Variants in DDHD2 observed in about 807,000 individuals in gnomAD.
The protein encoded by DDHD2 is triacylglycerol hydrolase DDHD2.
In DDHD2, 62 loss-of-function variants were observed where a neutral mutation model predicts 91.2. The ratio of observed to expected loss-of-function variants is 0.68; its 90% confidence interval spans 0.55 to 0.84. The LOEUF is 0.84. Among genes scored for constraint, DDHD2 ranks in the 40% least tolerant of loss-of-function variants. DDHD2 has a pLI of 0.00. For synonymous variants in DDHD2, 271 were observed against 293.9 expected, an observed-to-expected ratio of 0.92 and a Z score of 0.80; for missense variants, 740 against 846.9, an observed-to-expected ratio of 0.87 and a Z score of 1.57.
At position 38,260,103 on chromosome 8, in the gene DDHD2, T is replaced by TG. The variant is rs778307655; in HGVS notation, c.2119dup (p.Asp707GlyfsTer57). On this transcript the variant is annotated frameshift_variant, in exon 17 of 18. Coordinates refer to ENST00000397166, the MANE Select transcript of DDHD2 (RefSeq NM_015214.3). LOFTEE classifies it high-confidence loss of function. Reference sequence around the variant, plus strand: ...TCTACCAAACCCAGGGTATCTTCCTTGATCAGCCTTTACAGTAAAAATGAC... The same window carrying TG: ...TCTACCAAACCCAGGGTATCTTCCTTGGATCAGCCTTTACAGTAAAAATGAC... The TG allele has an allele frequency of 1.9e-6, 3 of 1,613,102 alleles. No homozygotes were observed. Among genetic ancestry groups the TG allele is most frequent in the Non-Finnish European group, 2.5e-6 (3 of 1,179,056 alleles).
At chr8:38,269,463 C>A (rs532311706) in intron 1 of DDHD2, among the ~76,000 whole-genome samples, 1 of 152,306 alleles carries the variant, frequency 6.6e-6, no homozygotes, top group East Asian at 1.9e-4. Context: ...AGCAGCTCGT[C>A]TCCACGGCCC....
At chr8:38,249,583 A>T in intron 10 of DDHD2, 125 bp from the exon 11 acceptor site, 2 of 464,422 alleles carry the variant, frequency 4.3e-6, no homozygotes, top group Middle Eastern at 6.2e-4. Context: ...TCTGGAAGTT[A>T]TTCTATGATG....
At position 38,247,835 on chromosome 8, in the gene DDHD2, G is replaced by T; in HGVS notation, c.1248G>T (p.Leu416=). Residue 416 remains leucine, a splice_region_variant and synonymous_variant, in exon 10 of 18, where the codon CTG becomes CTT. Coordinates refer to ENST00000397166, the MANE Select transcript of DDHD2 (RefSeq NM_015214.3). The part of the protein sequence containing the change: ...FEKEKVDKEA[L]ALCTDRDLQE... ...AGGAGAAAGTAGATAAGGAAGCTCT[G>T]GTAAAAATAATCTTTTAAAACTTTA... is the stretch of plus-strand genomic sequence containing the variant. 6.4e-7 allele frequency: 1 copy of T among 1,554,682 alleles called. No individual in the cohort carries two copies. The highest frequency in any genetic ancestry group is 1.2e-5 in the South Asian group (1 of 81,708).
chr8:38,238,276 T>C (rs569158384), intron 5 of DDHD2, 67 bp downstream of exon 5: 1 of 1,596,748 alleles, frequency 6.3e-7, no homozygotes, highest in Admixed American at 1.7e-5. Context: ...TTGTGACCTT[T>C]TTCTGTGGAT....
At position 38,232,391 on chromosome 8, in the gene DDHD2, A is replaced by G. The variant is rs548722279; in HGVS notation, c.-9+532A>G. Among the ~76,000 whole-genome samples, 8 of 152,364 alleles carry G rather than the reference A, an allele frequency of 5.3e-5. No individual in the cohort carries two copies. In the South Asian group the frequency reaches 8.3e-4, roughly 16 times the overall value. On this transcript the variant is annotated intron_variant, in intron 1 of 17. Transcript: ENST00000397166. ...TTAGCTTTCATCTGAGATTCTGGCT[A>G]TGGGAGTGGGCGTGCGTGTGCGCAC...
Position 38,261,581 on chromosome 8 carries a change from G to T in DDHD2, c.*1008G>T, listed in dbSNP as rs1807033669. 1 of 152,116 alleles carries T rather than the reference G, an allele frequency of 6.6e-6. No individual in the cohort carries two copies. Among genetic ancestry groups the T allele is most frequent in the Non-Finnish European group, 1.5e-5 (1 of 68,038 alleles). The allele number at this position is 152,116 out of a possible 1,614,324, so 9.4% of individuals were successfully genotyped here. ...GCATATTTAAAAGGCTCTTGGCACG[G>T]GCAGCATTGGTTGAGCAGGTAGGTT... On this transcript the variant is annotated 3_prime_UTR_variant, in exon 18 of 18. Coordinates refer to ENST00000397166, the MANE Select transcript of DDHD2 (RefSeq NM_015214.3).
downstream of DDHD2, chr8:38,273,502 TA>T (rs1808533488): frequency 6.6e-6 from 1 of 152,174 alleles, no homozygotes; most frequent in African/African-American, 2.4e-5. Flanking sequence ...AGATAGTAAA[TA>T]GCACTAAGTC....
rs369721945 is a variant in DDHD2, at chr8:38,245,848, A to G, written c.955A>G (p.Ile319Val). Residue 319 changes from isoleucine to valine, a missense_variant, in exon 8 of 18, where the codon ATT becomes GTT. Around this residue, in one of 2 missense-constraint regions of DDHD2, gnomAD observed 693 missense variants for 764.2 expected, o/e 0.91. Coordinates refer to ENST00000397166, the MANE Select transcript of DDHD2 (RefSeq NM_015214.3). ...CAATAGTCCCACCTACTGTCAGACT[A>G]TTGTGGACACAGTTGCTTCTGAAAT... is the stretch of plus-strand genomic sequence containing the variant. ...FYNSPTYCQTIVDTVASEMNR... is the reference protein window; with the variant it reads ...FYNSPTYCQTVVDTVASEMNR... The G allele has an allele frequency of 6.2e-6, 10 of 1,614,024 alleles. No homozygotes were observed. The highest frequency in any genetic ancestry group is 5.0e-5 in the Admixed American group (3 of 60,002).
intron 7 of DDHD2, among the ~76,000 whole-genome samples, chr8:38,242,981 C>G (rs532256609): frequency 6.6e-6 from 1 of 152,254 alleles, no homozygotes; most frequent in South Asian, 2.1e-4. Flanking sequence ...TAATGTAGTT[C>G]TAGAATAGAA....
At chr8:38,258,201 C>T (rs1806686190) in intron 16 of DDHD2, among the ~76,000 whole-genome samples, 2 of 151,830 alleles carry the variant, frequency 1.3e-5, no homozygotes, top group South Asian at 2.1e-4. Flanking sequence ...CCTTTTTTCC[C>T]CACGTCTCAA....
chr8:38,256,582 C>G (rs560703541), intron 16 of DDHD2, among the ~76,000 whole-genome samples: 1 of 152,268 alleles, frequency 6.6e-6, no homozygotes, highest in East Asian at 1.9e-4. Context: ...TTTGGCCCCC[C>G]AAGCTGTTGG....
rs1007652398 is a variant in DDHD2, at chr8:38,262,340, C to T, written c.*1767C>T. The T allele has an allele frequency of 1.3e-5, 2 of 152,036 alleles. No homozygotes were observed. Among genetic ancestry groups the T allele is most frequent in the African/African-American group, 4.8e-5 (2 of 41,396 alleles). 9.4% of individuals were successfully genotyped at this position (152,036 alleles called of 1,614,324 possible). On this transcript the variant is annotated 3_prime_UTR_variant, in exon 18 of 18. Coordinates refer to ENST00000397166, the MANE Select transcript of DDHD2 (RefSeq NM_015214.3). ...GGATAAGCAGAGGGAGTCCCTATAA[C>T]CAAAGATGGACAGCATAGCCCTGGA... is the stretch of plus-strand genomic sequence containing the variant.
chr8:38,269,026 T>A, intron 1 of DDHD2: 1 of 1,542,228 alleles, frequency 6.5e-7, no homozygotes, highest in Non-Finnish European at 8.7e-7. Flanking sequence ...GCAGGTCGCC[T>A]GGCTTCCTCC....
chr8:38,254,655 C>T (rs1215086291), intron 16 of DDHD2, among the ~76,000 whole-genome samples: 1 of 152,084 alleles, frequency 6.6e-6, no homozygotes, highest in African/African-American at 2.4e-5. Flanking sequence ...CAGGCATGAG[C>T]CACCACGCCT....
At chr8:38,272,117 A>G (rs112937593), downstream of DDHD2, 892 of 152,324 alleles carry the variant, frequency 5.9e-3, 6 homozygotes, top group African/African-American at 0.019. Context: ...TAGATACTCA[A>G]TATCTCAGTT....
At chr8:38,264,530 C>T (rs995964547), downstream of DDHD2, 4 of 1,568,218 alleles carry the variant, frequency 2.6e-6, no homozygotes, top group Admixed American at 5.7e-5. Flanking sequence ...CATTCTGCAT[C>T]AGTCAGAGGA....
intron 16 of DDHD2, among the ~76,000 whole-genome samples, chr8:38,257,090 C>T (rs1170153515): frequency 6.6e-6 from 1 of 151,814 alleles, no homozygotes; most frequent in African/African-American, 2.4e-5. Flanking sequence ...TAACACTATG[C>T]CCAGCTAATT....
intron 1 of DDHD2, chr8:38,268,985 G>T: frequency 6.4e-7 from 1 of 1,572,402 alleles, no homozygotes; most frequent in Non-Finnish European, 8.6e-7. Context: ...GAGCAGCTCC[G>T]TCACCCTAGA....
intron 1 of DDHD2, chr8:38,268,587 C>G: frequency 2.1e-6 from 3 of 1,456,886 alleles, no homozygotes; most frequent in East Asian, 2.5e-5. Context: ...GTGCGCGTAA[C>G]CGGGCGCCAG....
Sources: gnomAD v4.1 joint callset for allele counts (sites outside exome capture counted in the v4.1 genomes callset) on GRCh38, gnomAD v4.1.1 for gene constraint, gnomAD v4.1.1 regional missense constraint, MANE v1.5 for transcripts, NCBI Gene and HGNC (gene_info 2026-07-23, HGNC 2026-07-21) for gene names.